Variants in DUX4 observed in about 807,000 individuals in gnomAD.
The protein encoded by DUX4 is double homeobox 4.
chr4:190,179,790 T>A (rs1742512031), downstream of DUX4, among the ~76,000 whole-genome samples: 18 of 1,470 alleles, frequency 0.012, no homozygotes, highest in South Asian at 0.017. Context: ...AATGCCCCTG[T>A]AGGCAAGCCT....
chr4:190,181,309 A>G (rs1326953469), intron 1 of DUX4, among the ~76,000 whole-genome samples: 934 of 1,748 alleles, frequency 0.53, 194 homozygotes, highest in African/African-American at 0.56. Context: ...GCAGAGCCTA[A>G]AGAAGAGTCC....
At chr4:190,178,248 A>G (rs1742412871), downstream of DUX4, among the ~76,000 whole-genome samples, 2 of 151,902 alleles carry the variant, frequency 1.3e-5, no homozygotes, top group African/African-American at 4.8e-5. Flanking sequence ...GAAGAGTTGC[A>G]TCACCTGGGT....
At chr4:190,176,124 T>C (rs1489181185), downstream of DUX4, among the ~76,000 whole-genome samples, 1 of 112,846 alleles carries the variant, frequency 8.9e-6, no homozygotes, top group African/African-American at 2.6e-5. Flanking sequence ...TAGGCAAGTG[T>C]TCCCTCCCTG....
intron 1 of DUX4, among the ~76,000 whole-genome samples, chr4:190,181,150 A>G (rs1742548287): frequency 9.1e-6 from 1 of 110,370 alleles, no homozygotes; most frequent in Non-Finnish European, 1.9e-5. Context: ...GATCTGTCAC[A>G]ATGCCCCTTT....
intron 1 of DUX4, among the ~76,000 whole-genome samples, chr4:190,183,804 C>T (rs1742634189): frequency 8.5e-6 from 1 of 117,092 alleles, no homozygotes. Context: ...TGATGCTCAC[C>T]AGCTGGTTAC....
chr4:190,183,342 C>A lies in DUX4; in HGVS notation n.93-1999C>A, dbSNP rs1199465462. The A allele has an allele frequency of 3.7e-5, 4 of 107,726 alleles. No homozygotes were observed. The East Asian group carries it at 9.3e-4, about 25-fold the overall frequency. The allele number at this position is 107,726 out of a possible 1,614,324, so 6.7% of individuals were successfully genotyped here. ...GCTAAATCATGGACAAAACGGGTCC[C>A]CAGGAGCTACAGGCTGCAGAAGCAG... On this transcript the variant is annotated intron_variant and non_coding_transcript_variant, in intron 1 of 2. Coordinates refer to the DUX4 transcript ENST00000563716.
downstream of DUX4, among the ~76,000 whole-genome samples, chr4:190,179,796 A>ACGG (rs1742513447): frequency 3.3e-4 from 7 of 21,404 alleles, no homozygotes; most frequent in African/African-American, 1.8e-3. Context: ...CCTGTAGGCA[A>ACGG]GCCTACACAA....
At chr4:190,183,095 C>G (rs1388456573) in intron 1 of DUX4, 1 of 37,452 alleles carries the variant, frequency 2.7e-5, no homozygotes, top group African/African-American at 4.8e-5. Flanking sequence ...TTATGGGTTA[C>G]AGTTAGGGTT....
downstream of DUX4, among the ~76,000 whole-genome samples, chr4:190,176,781 C>A (rs1742321435): frequency 4.9e-4 from 40 of 81,432 alleles, 1 homozygote; most frequent in African/African-American, 9.8e-4. Context: ...ACCAGTGTCC[C>A]CTGTAGGCAG....
intron 1 of DUX4, chr4:190,182,300 AGGG>A (rs1742610297): frequency 1.0e-5 from 1 of 96,280 alleles, no homozygotes; most frequent in Non-Finnish European, 2.6e-5. Flanking sequence ...GCTTAGGCTT[AGGG>A]TTAGGCTTAG....
chr4:190,178,868 CT>C (rs1742458295), downstream of DUX4, among the ~76,000 whole-genome samples: 4 of 147,014 alleles, frequency 2.7e-5, no homozygotes, highest in African/African-American at 7.4e-5. Flanking sequence ...GTTACATCAC[CT>C]GGGTGATCAG....
chr4:190,176,493 A>G (rs1365240675), downstream of DUX4, among the ~76,000 whole-genome samples: 2 of 108,846 alleles, frequency 1.8e-5, 1 homozygote, highest in Non-Finnish European at 4.3e-5. Context: ...CAGTGCAGAG[A>G]TATGTGAGAA....
downstream of DUX4, among the ~76,000 whole-genome samples, chr4:190,179,581 C>A (rs2126578686): frequency 1.4e-3 from 33 of 24,190 alleles, 1 homozygote; most frequent in African/African-American, 2.8e-3. Flanking sequence ...TGTCACAATG[C>A]TGTGTAGCCA....
At chr4:190,178,887 C>CACAA, downstream of DUX4, among the ~76,000 whole-genome samples, 1 of 67,396 alleles carries the variant, frequency 1.5e-5, no homozygotes, top group Non-Finnish European at 2.9e-5. Context: ...CAGTGCAGAT[C>CACAA]TATGTCACAA....
At chr4:190,179,228 A>G (rs2126577145), downstream of DUX4, among the ~76,000 whole-genome samples, 2 of 2,376 alleles carry the variant, frequency 8.4e-4, no homozygotes, top group African/African-American at 2.5e-3. Flanking sequence ...TTGCAGGGAT[A>G]TGTCACAAAG....
At chr4:190,178,680 GAGATATGTCACAA>G (rs1742442721), downstream of DUX4, among the ~76,000 whole-genome samples, 6 of 150,210 alleles carry the variant, frequency 4.0e-5, no homozygotes, top group African/African-American at 1.2e-4. Flanking sequence ...GATCAGTGCA[GAGATATGTCACAA>G]AGCTCCTGTA....
At chr4:190,182,208 T>TAGGGGGAGGGTCAGGGTG (rs1742605849) in intron 1 of DUX4, 1 of 110,390 alleles carries the variant, frequency 9.1e-6, no homozygotes, top group African/African-American at 2.8e-5. Flanking sequence ...GGGTGAGGGT[T>TAGGGGGAGGGTCAGGGTG]AGGGTGAGGG....
At chr4:190,181,753 G>A (rs1579838063) in intron 1 of DUX4, among the ~76,000 whole-genome samples, 2,160 of 87,484 alleles carry the variant, frequency 0.025, no homozygotes, top group Non-Finnish European at 0.027. Context: ...TCAGTGCAGA[G>A]ATATGTAACA....
chr4:190,175,756 G>C lies in DUX4; in HGVS notation c.*346G>C, dbSNP rs1742271584. ...TGAATGTCTCCCCCCACCTTCCGACGCTGTCTAGGCAAACCTGGATTAGAG... is the reference window on the plus strand; with the variant it reads ...TGAATGTCTCCCCCCACCTTCCGACCCTGTCTAGGCAAACCTGGATTAGAG... On this transcript the variant is annotated 3_prime_UTR_variant, in exon 2 of 2. Transcript: ENST00000565211. 4 of 157,562 alleles carry C rather than the reference G, an allele frequency of 2.5e-5. 1 individual carries two copies. Among genetic ancestry groups the C allele is most frequent in the African/African-American group, 1.1e-4 (4 of 37,672 alleles). 9.8% of individuals were successfully genotyped at this position (157,562 alleles called of 1,614,324 possible).
Sources: allele counts gnomAD v4.1 joint callset (sites outside exome capture counted in the v4.1 genomes callset), GRCh38; gene constraint gnomAD v4.1.1; transcripts MANE v1.5; gene names NCBI Gene and HGNC (gene_info 2026-07-23, HGNC 2026-07-21).